The following MAPRE2 variants were observed in gnomAD, a reference collection of about 807,000 sequenced individuals.
MAPRE2 encodes the protein microtubule associated protein RP/EB family member 2, also known as microtubule-associated protein RP/EB family member 2.
MAPRE2 carries 13 observed loss-of-function variants against 43.2 expected under a neutral mutation model. The observed-to-expected ratio is 0.30, with a 90% CI of 0.20 to 0.48. The LOEUF (loss-of-function observed/expected upper bound fraction) is 0.48, where lower values mean the gene tolerates loss of function less well. MAPRE2 is among the 20% of genes least tolerant of loss of function. The pLI is 0.99. For synonymous variants in MAPRE2, 135 were observed against 148.8 expected (o/e 0.91, Z 0.68); for missense variants, 161 against 400.2 (o/e 0.40, Z 5.10).
intron 4 of MAPRE2, among the ~76,000 whole-genome samples, chr18:35,113,891 C>CA (rs1248695946): frequency 1.3e-5 from 2 of 151,620 alleles, no homozygotes; most frequent in East Asian, 1.9e-4. Flanking sequence ...AACCCTGTCC[C>CA]AAAAAAATAA....
chr18:35,101,418 TTTAAG>T (rs1055936341), intron 3 of MAPRE2, among the ~76,000 whole-genome samples: 1 of 152,192 alleles, frequency 6.6e-6, no homozygotes, highest in African/African-American at 2.4e-5. Context: ...AAGTACACTC[TTTAAG>T]TTATTTTAAA....
At chr18:35,007,318 T>C (rs1228980540) in intron 2 of MAPRE2, among the ~76,000 whole-genome samples, 1 of 152,214 alleles carries the variant, frequency 6.6e-6, no homozygotes, top group Non-Finnish European at 1.5e-5. Context: ...ATAAATTATA[T>C]GATCATCCTA....
At chr18:35,015,434 T>C (rs2097037533) in intron 2 of MAPRE2, among the ~76,000 whole-genome samples, 1 of 152,140 alleles carries the variant, frequency 6.6e-6, no homozygotes, top group Admixed American at 6.6e-5. Flanking sequence ...TCGTTGTTGC[T>C]TTTTACAAAT....
intron 1 of MAPRE2, chr18:34,977,160 G>C (rs1447926494): frequency 6.5e-6 from 1 of 152,822 alleles, no homozygotes; most frequent in Non-Finnish European, 1.5e-5. Flanking sequence ...CCCAGGCCAG[G>C]GGCTGGCTGC....
chr18:34,979,018 C>T (rs1053353763), intron 1 of MAPRE2, among the ~76,000 whole-genome samples: 2 of 152,180 alleles, frequency 1.3e-5, no homozygotes, highest in African/African-American at 4.8e-5. Context: ...AGTTCAGCGG[C>T]CAGCAGCAGC....
chr18:35,008,830 C>T (rs754922083), intron 2 of MAPRE2, among the ~76,000 whole-genome samples: 7 of 152,118 alleles, frequency 4.6e-5, no homozygotes, highest in Non-Finnish European at 1.0e-4. Flanking sequence ...GAATAATTTA[C>T]AAACATTTAT....
intron 1 of MAPRE2, among the ~76,000 whole-genome samples, chr18:35,060,006 A>G (rs1906438887): frequency 6.6e-6 from 1 of 152,188 alleles, no homozygotes. Flanking sequence ...TAGTGGCAGC[A>G]TGATTGTTTG....
At chr18:34,997,422 A>T (rs1210437919) in intron 1 of MAPRE2, among the ~76,000 whole-genome samples, 1 of 152,194 alleles carries the variant, frequency 6.6e-6, no homozygotes, top group Non-Finnish European at 1.5e-5. Context: ...TGACTCTTCA[A>T]CTTGGTACCA....
At chr18:35,001,964 C>G (rs1042403928) in intron 1 of MAPRE2, among the ~76,000 whole-genome samples, 4 of 152,112 alleles carry the variant, frequency 2.6e-5, no homozygotes, top group Admixed American at 6.5e-5. Context: ...GCCATGGTAG[C>G]ATCTTGCAAA....
At chr18:35,030,773 C>T (rs369555990) in intron 2 of MAPRE2, among the ~76,000 whole-genome samples, 25 of 151,916 alleles carry the variant, frequency 1.6e-4, no homozygotes, top group Non-Finnish European at 3.1e-4. Context: ...TCTGGTTTCT[C>T]TGTGATCTTT....
chr18:35,119,105 G>T (rs1909557365), intron 4 of MAPRE2, among the ~76,000 whole-genome samples: 1 of 152,162 alleles, frequency 6.6e-6, no homozygotes, highest in Non-Finnish European at 1.5e-5. Flanking sequence ...CACACAGGAG[G>T]TTCTCGCCTC....
At chr18:35,022,463 T>A (rs2097042527) in intron 2 of MAPRE2, among the ~76,000 whole-genome samples, 1 of 152,110 alleles carries the variant, frequency 6.6e-6, no homozygotes, top group African/African-American at 2.4e-5. Context: ...TAGAAAAAAA[T>A]ATATATTAAG....
chr18:35,065,125 T>C (rs1262923543), intron 1 of MAPRE2, among the ~76,000 whole-genome samples: 1 of 151,974 alleles, frequency 6.6e-6, no homozygotes, highest in Non-Finnish European at 1.5e-5. Context: ...TGAAACCCTG[T>C]CTGTACTAAA....
chr18:35,128,562 ATAATT>A (rs1289063078), intron 5 of MAPRE2, among the ~76,000 whole-genome samples: 3 of 152,250 alleles, frequency 2.0e-5, no homozygotes, highest in East Asian at 3.8e-4. Context: ...TAATGTAGAG[ATAATT>A]TAAAGTATAC....
intron 1 of MAPRE2, among the ~76,000 whole-genome samples, chr18:34,980,023 C>CTTTTTTCTTTTTTTT (rs2097015254): frequency 7.5e-6 from 1 of 132,504 alleles, no homozygotes; most frequent in African/African-American, 2.9e-5. Flanking sequence ...TTTTCTTTTT[C>CTTTTTTCTTTTTTTT]TTTTTTTCTT....
chr18:35,014,321 G>A (rs2097036753), intron 2 of MAPRE2, among the ~76,000 whole-genome samples: 1 of 150,868 alleles, frequency 6.6e-6, no homozygotes, highest in African/African-American at 2.4e-5. Flanking sequence ...TGATTTAGAA[G>A]CATTGAGATC....
At chr18:34,988,568 T>G (rs759904875) in intron 1 of MAPRE2, 3 of 152,226 alleles carry the variant, frequency 2.0e-5, no homozygotes, top group Non-Finnish European at 2.9e-5. Flanking sequence ...GTCCTAAGAC[T>G]TGTTTAATGA....
At chr18:35,117,567 G>A (rs1427720548) in intron 4 of MAPRE2, among the ~76,000 whole-genome samples, 4 of 152,188 alleles carry the variant, frequency 2.6e-5, no homozygotes, top group African/African-American at 9.6e-5. Flanking sequence ...TTGTTGTGGT[G>A]ACACCTGTGT....
intron 2 of MAPRE2, among the ~76,000 whole-genome samples, chr18:35,011,157 TG>T (rs1359282464): frequency 6.6e-6 from 1 of 151,844 alleles, no homozygotes; most frequent in African/African-American, 2.4e-5. Context: ...GAGTGCTGAG[TG>T]CTGTGGTGGG....
Sources: allele counts gnomAD v4.1 joint callset (sites outside exome capture counted in the v4.1 genomes callset), GRCh38; gene constraint gnomAD v4.1.1; transcripts MANE v1.5; gene names NCBI Gene and HGNC (gene_info 2026-07-23, HGNC 2026-07-21).